RBFOX1: variants seen among roughly 807,000 people sequenced by gnomAD.
RBFOX1 encodes RNA binding protein fox-1 homolog 1.
A neutral mutation model predicts 57.7 loss-of-function variants in RBFOX1; 8 were observed. The observed-to-expected ratio is 0.14, with a 90% CI of 0.08 to 0.25. The LOEUF (loss-of-function observed/expected upper bound fraction) is 0.25, where lower values mean the gene tolerates loss of function less well. RBFOX1 is among the 10% of genes least tolerant of loss of function. The pLI is 1.00. For synonymous variants in RBFOX1, 326 were observed against 222.4 expected (o/e 1.47, Z -4.15); for missense variants, 611 against 548.5 (o/e 1.11, Z -1.14).
At chr16:6,171,850 C>T (rs968899125) in intron 1 of RBFOX1, among the ~76,000 whole-genome samples, 2 of 142,376 alleles carry the variant, frequency 1.4e-5, no homozygotes, top group Admixed American at 6.8e-5. Context: ...AAGACAGAGT[C>T]TCGCTCTGTC....
chr16:6,951,591 C>G (rs980460886), intron 3 of RBFOX1, among the ~76,000 whole-genome samples: 2 of 152,202 alleles, frequency 1.3e-5, no homozygotes, highest in Non-Finnish European at 2.9e-5. Context: ...GTACCTTGTT[C>G]TCATCTCTCC....
chr16:6,002,093 T>A (rs544352363), intron 4 of RBFOX1, among the ~76,000 whole-genome samples: 1 of 151,524 alleles, frequency 6.6e-6, no homozygotes, highest in Non-Finnish European at 1.5e-5. Context: ...CTCTTCAGCC[T>A]CCCCAGTAGC....
intron 2 of RBFOX1, among the ~76,000 whole-genome samples, chr16:6,360,667 G>C (rs865966183): frequency 1.3e-5 from 2 of 152,256 alleles, no homozygotes; most frequent in East Asian, 3.9e-4. Context: ...TGCCGTTTCA[G>C]AATTATCTGA....
At chr16:7,170,093 ATAAG>A (rs974990618) in intron 4 of RBFOX1, among the ~76,000 whole-genome samples, 5 of 152,104 alleles carry the variant, frequency 3.3e-5, no homozygotes, top group Admixed American at 6.5e-5. Context: ...AAATAAATAA[ATAAG>A]TATTTGGTGT....
chr16:6,172,832 A>C (rs1157839588), intron 1 of RBFOX1, among the ~76,000 whole-genome samples: 2 of 152,154 alleles, frequency 1.3e-5, no homozygotes, highest in Non-Finnish European at 2.9e-5. Flanking sequence ...ACAACAACAC[A>C]GATTTATTCT....
chr16:6,404,514 A>G (rs754286188), intron 2 of RBFOX1, among the ~76,000 whole-genome samples: 11 of 152,298 alleles, frequency 7.2e-5, no homozygotes, highest in Non-Finnish European at 1.0e-4. Context: ...TATACTACAA[A>G]TGGAGTGCGT....
intron 1 of RBFOX1, among the ~76,000 whole-genome samples, chr16:6,027,868 A>T (rs1334067694): frequency 6.6e-6 from 1 of 152,154 alleles, no homozygotes; most frequent in African/African-American, 2.4e-5. Context: ...TACGGTTGAG[A>T]TCGTTGACAG....
At chr16:5,716,178 C>G (rs1475291372) in intron 3 of RBFOX1, among the ~76,000 whole-genome samples, 3 of 152,128 alleles carry the variant, frequency 2.0e-5, no homozygotes, top group Non-Finnish European at 2.9e-5. Flanking sequence ...GTATCGGGCT[C>G]TTTTTATTTT....
At chr16:5,645,699 T>C (rs542847461) in intron 3 of RBFOX1, among the ~76,000 whole-genome samples, 27 of 152,354 alleles carry the variant, frequency 1.8e-4, no homozygotes, top group African/African-American at 6.3e-4. Context: ...AGGATCTTGG[T>C]CTGGCACCCA....
chr16:5,339,921 G>C (rs1001850704), intron 1 of RBFOX1, among the ~76,000 whole-genome samples: 1 of 152,044 alleles, frequency 6.6e-6, no homozygotes, highest in South Asian at 2.1e-4. Context: ...CCCAAAGCTT[G>C]GGTGCTTTGG....
intron 3 of RBFOX1, among the ~76,000 whole-genome samples, chr16:7,004,715 G>A (rs1347196373): frequency 6.6e-6 from 1 of 152,178 alleles, no homozygotes; most frequent in Admixed American, 6.5e-5. Context: ...GAAGATGTAT[G>A]GTGAGCTGGT....
At chr16:7,186,730 G>C (rs2083927406) in intron 4 of RBFOX1, among the ~76,000 whole-genome samples, 1 of 149,444 alleles carries the variant, frequency 6.7e-6, no homozygotes, top group Non-Finnish European at 1.5e-5. Context: ...TGTGTCCTTA[G>C]AGATTCTATA....
chr16:7,351,199 G>T (rs1225244757), intron 4 of RBFOX1, among the ~76,000 whole-genome samples: 1 of 152,346 alleles, frequency 6.6e-6, no homozygotes, highest in South Asian at 2.1e-4. Flanking sequence ...TCCAGAGCCA[G>T]CCTCACTCAC....
chr16:7,269,507 TTGAC>T lies in RBFOX1; in HGVS notation c.27+217413_27+217416del, dbSNP rs1007298042. 3.4e-4 allele frequency among the ~76,000 whole-genome samples: 52 copies of T among 152,148 alleles called. 1 individual carries two copies. Among genetic ancestry groups the T allele is most frequent in the African/African-American group, 1.2e-3 (49 of 41,444 alleles). Reference sequence around the variant, plus strand: ...GACAGAGGAAAAAAGCTTACAGTATTTGACTGATAGTGAATTTTTAGAATTTATC... The same window carrying T: ...GACAGAGGAAAAAAGCTTACAGTATTTGATAGTGAATTTTTAGAATTTATC... On this transcript the variant is annotated intron_variant, in intron 4 of 15. Transcript: ENST00000550418.
intron 4 of RBFOX1, among the ~76,000 whole-genome samples, chr16:7,228,308 T>G (rs2093279616): frequency 6.6e-6 from 1 of 152,162 alleles, no homozygotes; most frequent in African/African-American, 2.4e-5. Flanking sequence ...ATAATGATTA[T>G]TATTCACATA....
At chr16:7,703,074 C>T (rs2081292553) in intron 14 of RBFOX1, among the ~76,000 whole-genome samples, 1 of 151,930 alleles carries the variant, frequency 6.6e-6, no homozygotes, top group Non-Finnish European at 1.5e-5. Context: ...TTAGCTAGAC[C>T]ATGGCTCTCT....
intron 2 of RBFOX1, among the ~76,000 whole-genome samples, chr16:5,582,845 A>AT (rs1428979468): frequency 6.6e-6 from 1 of 152,098 alleles, no homozygotes; most frequent in Non-Finnish European, 1.5e-5. Context: ...TGGGTGACAG[A>AT]TTTTAGATTC....
chr16:5,634,174 T>A (rs2048609339), intron 3 of RBFOX1, among the ~76,000 whole-genome samples: 1 of 152,336 alleles, frequency 6.6e-6, no homozygotes, highest in South Asian at 2.1e-4. Flanking sequence ...GTACATCAGT[T>A]GGCAAATTAA....
intron 3 of RBFOX1, among the ~76,000 whole-genome samples, chr16:6,774,482 G>C (rs1018549394): frequency 2.0e-5 from 3 of 152,098 alleles, no homozygotes; most frequent in Non-Finnish European, 4.4e-5. Flanking sequence ...TTTTGTCTCT[G>C]CTACCAAGCA....
Sources: gnomAD v4.1 joint callset for allele counts (sites outside exome capture counted in the v4.1 genomes callset) on GRCh38, gnomAD v4.1.1 for gene constraint, MANE v1.5 for transcripts, NCBI Gene and HGNC (gene_info 2026-07-23, HGNC 2026-07-21) for gene names.